Variants in KLHL9 observed in about 807,000 individuals in gnomAD.
KLHL9 encodes kelch like family member 9.
A neutral mutation model predicts 42.3 loss-of-function variants in KLHL9; 27 were observed. The ratio of observed to expected loss-of-function variants is 0.64; its 90% CI spans 0.47 to 0.88. The LOEUF (loss-of-function observed/expected upper bound fraction) is 0.88. Among genes scored for constraint, KLHL9 ranks in the 40% least tolerant of loss-of-function variants. The probability of loss-of-function intolerance (pLI) is 0.00; values close to 1 mark genes in which losing one functional copy is unlikely to be tolerated. For synonymous variants in KLHL9, 274 were observed against 254.4 expected, an observed-to-expected ratio of 1.08 and a Z score of -0.73; for missense variants, 629 against 750.3, an observed-to-expected ratio of 0.84 and a Z score of 1.89.
At position 21,331,510 on chromosome 9, in the gene KLHL9, C is replaced by T. The variant is rs1001226273; in HGVS notation, c.*1496G>A. The T allele has an allele frequency of 3.7e-3, 547 of 146,704 alleles. 2 individuals are homozygous for T. The highest frequency in any genetic ancestry group is 0.013 in the African/African-American group (523 of 39,858). 9.1% of individuals were successfully genotyped at this position (146,704 alleles called of 1,614,324 possible). The stretch of plus-strand genomic sequence containing the variant: ...TATAGGGGGTTGTGTGTGTGTATTA[C>T]ACACACACACAATGTATATATAAAT... On this transcript the variant is annotated 3_prime_UTR_variant, in exon 1 of 1. Coordinates refer to ENST00000359039, the MANE Select transcript of KLHL9 (RefSeq NM_018847.4).
rs1563853341 is a variant in KLHL9, at chr9:21,331,570, G to A, written c.*1436C>T. Reference sequence around the variant, plus strand: ...TCAGGTAGACAATTATTCCAGGAAAGTACCTCTTCAGAATCACTCATTACA... The same window carrying A: ...TCAGGTAGACAATTATTCCAGGAAAATACCTCTTCAGAATCACTCATTACA... On this transcript the variant is annotated 3_prime_UTR_variant, in exon 1 of 1. Coordinates refer to ENST00000359039, the MANE Select transcript of KLHL9 (RefSeq NM_018847.4). 1 of 151,894 alleles carries A rather than the reference G, an allele frequency of 6.6e-6. No homozygotes were observed. The highest frequency in any genetic ancestry group is 1.5e-5 in the Non-Finnish European group (1 of 67,992). The allele number at this position is 151,894 out of a possible 1,614,324, so 9.4% of individuals were successfully genotyped here. A position where few individuals can be genotyped will look rare whatever the true frequency, so the allele number is the denominator to read the frequency against.
At position 21,331,995 on chromosome 9, in the gene KLHL9, AT is replaced by A. The variant is rs1259114193; in HGVS notation, c.*1010del. The A allele has an allele frequency of 1.3e-5, 2 of 152,418 alleles. No homozygotes were observed. Among genetic ancestry groups the A allele is most frequent in the African/African-American group, 4.8e-5 (2 of 41,404 alleles). 9.4% of individuals were successfully genotyped at this position (152,418 alleles called of 1,614,324 possible). A position where few individuals can be genotyped will look rare whatever the true frequency, so the allele number is the denominator to read the frequency against. ...AAAACCCTATAGCTTTGTTCAGAAT[AT>A]TTTTTTCTTTGCTTTTTTCATTAAG... On this transcript the variant is annotated 3_prime_UTR_variant, in exon 1 of 1. Coordinates refer to ENST00000359039, the MANE Select transcript of KLHL9 (RefSeq NM_018847.4).
chr9:21,332,850 T>C lies in KLHL9; in HGVS notation c.*156A>G. On this transcript the variant is annotated 3_prime_UTR_variant, in exon 1 of 1. Coordinates refer to ENST00000359039, the MANE Select transcript of KLHL9 (RefSeq NM_018847.4). ...GTTAAATACATTTTCAGAATGCATT[T>C]GTTAGCCACTTGATAAACATACTAA... 1 of 1,131,180 alleles carries C rather than the reference T, an allele frequency of 8.8e-7. No individual in the cohort carries two copies. Among genetic ancestry groups the C allele is most frequent in the Non-Finnish European group, 1.2e-6 (1 of 826,174 alleles). 70.1% of individuals were successfully genotyped at this position (1,131,180 alleles called of 1,614,324 possible).
Position 21,334,160 on chromosome 9 carries a change from C to G in KLHL9, c.700G>C (p.Ala234Pro). 6.2e-7 allele frequency: 1 copy of G among 1,614,182 alleles called. No individual in the cohort carries two copies. The highest frequency in any genetic ancestry group is 2.2e-5 in the East Asian group (1 of 44,882). ...AATCGAATATTCTTCATTAACTTTG[C>G]AGCATAATCCATCCGAGGGTCTTCC... ...RLEDPRMDYA[A>P]KLMKNIRFPL... The change falls in exon 1 of 1, where the codon GCA (alanine) becomes CCA (proline). Residue 234 changes from alanine (A) to proline (P), a missense_variant. Physicochemically the swap from Ala to Pro is conservative, Grantham distance 27 (BLOSUM62 -1). Around this residue, in one of 4 missense-constraint regions of KLHL9, gnomAD observed 351 missense variants for 363.1 expected, o/e 0.97. Transcript: ENST00000359039. This position sits in a 1 kb window ranked among gnomAD's most constrained non-coding sequence, Gnocchi z 5.1.
Position 21,333,288 on chromosome 9 carries a change from C to T in KLHL9, c.1572G>A (p.Gln524=). 2 of 1,614,212 alleles carry T rather than the reference C, an allele frequency of 1.2e-6. No individual in the cohort carries two copies. Among genetic ancestry groups the T allele is most frequent in the Non-Finnish European group, 1.7e-6 (2 of 1,180,030 alleles). The change falls in exon 1 of 1, where the codon CAG becomes CAA. Residue 524 remains glutamine, a synonymous_variant. Transcript: ENST00000359039. This position sits in a 1 kb window ranked among gnomAD's most constrained non-coding sequence, Gnocchi z 7.5. ...TTAACATGGCGGCAATTGGGGTCCA[C>T]TGGTCAAGGGTTGGTGAATAGTATT... ...SCEYYSPTLD[Q]WTPIAAMLRG...
rs185129874 is a variant in KLHL9 at position 21,334,836 on chromosome 9, G to A, written c.24C>T (p.Gly8=). The change falls in exon 1 of 1, where the codon GGC becomes GGT. Residue 8 remains glycine (G), a synonymous_variant. Coordinates refer to ENST00000359039, the MANE Select transcript of KLHL9 (RefSeq NM_018847.4). This position sits in a 1 kb window ranked among gnomAD's most constrained non-coding sequence, Gnocchi z 5.1. MKVSLGN[G]EMGVSAHLQP... The stretch of plus-strand genomic sequence containing the variant: ...GCAAATGGGCAGAGACGCCCATTTC[G>A]CCGTTACCAAGGGACACTTTCATGT... 3 of 1,614,110 alleles carry A rather than the reference G, an allele frequency of 1.9e-6. No individual in the cohort carries two copies. Among genetic ancestry groups the A allele is most frequent in the Admixed American group, 1.7e-5 (1 of 60,008 alleles).
At position 21,334,982 on chromosome 9, in the gene KLHL9, T is replaced by A; in HGVS notation, c.-123A>T. 1 of 1,429,714 alleles carries A rather than the reference T, an allele frequency of 7.0e-7. No homozygotes were observed. Among genetic ancestry groups the A allele is most frequent in the Non-Finnish European group, 9.4e-7 (1 of 1,062,328 alleles). The allele number at this position is 1,429,714 out of a possible 1,614,324, so 88.6% of individuals were successfully genotyped here. A position where few individuals can be genotyped will look rare whatever the true frequency, so the allele number is the denominator to read the frequency against. On this transcript the variant is annotated 5_prime_UTR_variant, in exon 1 of 1. Coordinates refer to ENST00000359039, the MANE Select transcript of KLHL9 (RefSeq NM_018847.4). The surrounding 1 kb of genome is among the most constrained non-coding windows in gnomAD (Gnocchi z 5.1). Reference sequence around the variant, plus strand: ...TCGTTTCCTTATCAAGGGAAGGCAGTCACTGCGGCACCCCTCGGGCCACGC... The same window carrying A: ...TCGTTTCCTTATCAAGGGAAGGCAGACACTGCGGCACCCCTCGGGCCACGC...
In KLHL9 at chr9:21,333,947, C is replaced by T; in HGVS notation, c.913G>A (p.Gly305Arg). Residue 305 changes from glycine (G) to arginine (R), a missense_variant, in exon 1 of 1, where the codon GGA becomes AGA. By Grantham distance (125) the Gly-to-Arg change is moderately radical. Around this residue, in one of 4 missense-constraint regions of KLHL9, gnomAD observed 214 missense variants for 305.8 expected, o/e 0.70. Coordinates refer to ENST00000359039, the MANE Select transcript of KLHL9 (RefSeq NM_018847.4). The surrounding 1 kb of genome is among the most constrained non-coding windows in gnomAD (Gnocchi z 7.5). ...ACAACCAGCTGCTGCCTCAAAACTC[C>T]TCCTAATGTAACCAAGTGAGTGGAG... ...SDSTHLVTLGGVLRQQLVVSK... is the reference protein window; with the variant it reads ...SDSTHLVTLGRVLRQQLVVSK... 1 of 1,614,184 alleles carries T rather than the reference C, an allele frequency of 6.2e-7. No individual in the cohort carries two copies. The highest frequency in any genetic ancestry group is 8.5e-7 in the Non-Finnish European group (1 of 1,180,040).
At position 21,333,414 on chromosome 9, in the gene KLHL9, G is replaced by C; in HGVS notation, c.1446C>G (p.Val482=). The C allele has an allele frequency of 1.2e-6, 2 of 1,614,198 alleles. No homozygotes were observed. Among genetic ancestry groups the C allele is most frequent in the Non-Finnish European group, 1.7e-6 (2 of 1,180,034 alleles). The change falls in exon 1 of 1, where the codon GTC becomes GTG. Residue 482 remains valine (V), a synonymous_variant. Transcript: ENST00000359039. This position sits in a 1 kb window ranked among gnomAD's most constrained non-coding sequence, Gnocchi z 7.5. ...CTGTACACATGCAATGCAGACCTCT[G>C]ACTGTAGTCATTGGAGCCTTTTGCA... ...KWMQKAPMTT[V]RGLHCMCTVG...
At position 21,335,039 on chromosome 9, in the gene KLHL9, G is replaced by T; in HGVS notation, c.-180C>A. ...GTCATCCACTGAAAATCACCCTGTA[G>T]CAGGACCACAAAGGGCTGTGGACCT... On this transcript the variant is annotated 5_prime_UTR_variant, in exon 1 of 1. Coordinates refer to ENST00000359039, the MANE Select transcript of KLHL9 (RefSeq NM_018847.4). The T allele has an allele frequency of 1.3e-6, 1 of 766,660 alleles. No homozygotes were observed. The highest frequency in any genetic ancestry group is 2.1e-6 in the Non-Finnish European group (1 of 483,774). 47.5% of individuals were successfully genotyped at this position (766,660 alleles called of 1,614,324 possible). A position where few individuals can be genotyped will look rare whatever the true frequency, so the allele number is the denominator to read the frequency against.
chr9:21,333,438 C>T lies in KLHL9; in HGVS notation c.1422G>A (p.Met474Ile). Reference sequence around the variant, plus strand: ...TGACTGTAGTCATTGGAGCCTTTTGCATCCATTTATCTGTATCTGGGTCAA... The same window carrying T: ...TGACTGTAGTCATTGGAGCCTTTTGTATCCATTTATCTGTATCTGGGTCAA... ...MCFDPDTDKW[M>I]QKAPMTTVRG... Residue 474 changes from methionine to isoleucine, a missense_variant, in exon 1 of 1, where the codon ATG becomes ATA. Transcript: ENST00000359039. The surrounding 1 kb of genome is among the most constrained non-coding windows in gnomAD (Gnocchi z 7.5). The T allele has an allele frequency of 6.2e-7, 1 of 1,614,242 alleles. No homozygotes were observed. Among genetic ancestry groups the T allele is most frequent in the Non-Finnish European group, 8.5e-7 (1 of 1,180,034 alleles).
rs1023839473 is a variant in KLHL9 at position 21,335,209 on chromosome 9, C to A, written c.-350G>T. 2 of 498,950 alleles carry A rather than the reference C, an allele frequency of 4.0e-6. No homozygotes were observed. Among genetic ancestry groups the A allele is most frequent in the Non-Finnish European group, 7.2e-6 (2 of 275,946 alleles). The allele number at this position is 498,950 out of a possible 1,614,324, so 30.9% of individuals were successfully genotyped here. On this transcript the variant is annotated 5_prime_UTR_variant, in exon 1 of 1. Transcript: ENST00000359039. ...CGCCACGTACTGTGGCTCCACGGCC[C>A]GCTCGGCGGCGGGTCCGGACACCTC...
At position 21,333,039 on chromosome 9, in the gene KLHL9, T is replaced by C. The variant is rs774938571; in HGVS notation, c.1821A>G (p.Glu607=). The C allele has an allele frequency of 1.1e-5, 18 of 1,614,054 alleles. No homozygotes were observed. The highest frequency in any genetic ancestry group is 1.5e-5 in the Non-Finnish European group (18 of 1,180,030). The change falls in exon 1 of 1, where the codon GAA becomes GAG. Residue 607 remains glutamate (E), a synonymous_variant. Transcript: ENST00000359039. This position sits in a 1 kb window ranked among gnomAD's most constrained non-coding sequence, Gnocchi z 7.5. The part of the protein sequence containing the change: ...PEENPGSPSR[E]SPLSAPSDHS ...GATCTGAAGGTGCTGAAAGAGGTGA[T>C]TCTCTAGAAGGTGACCCAGGGTTTT...
chr9:21,334,203 G>C lies in KLHL9; in HGVS notation c.657C>G (p.Ala219=). The part of the protein sequence containing the change: ...HCTELELFKA[A]CRWLRLEDPR... ...GGTCTTCCAACCTTAGCCAGCGACA[G>C]GCTGCCTTAAAGAGTTCAAGTTCGG... is the stretch of plus-strand genomic sequence containing the variant. Residue 219 remains alanine, a synonymous_variant, in exon 1 of 1, where the codon GCC becomes GCG. Transcript: ENST00000359039. The surrounding 1 kb of genome is among the most constrained non-coding windows in gnomAD (Gnocchi z 5.1). 6.2e-6 allele frequency: 10 copies of C among 1,614,182 alleles called. No individual in the cohort carries two copies. The highest frequency in any genetic ancestry group is 8.5e-6 in the Non-Finnish European group (10 of 1,180,032).
Position 21,335,039 on chromosome 9 carries a change from G to A in KLHL9, c.-180C>T, listed in dbSNP as rs1415242741. ...GTCATCCACTGAAAATCACCCTGTA[G>A]CAGGACCACAAAGGGCTGTGGACCT... On this transcript the variant is annotated 5_prime_UTR_variant, in exon 1 of 1. Coordinates refer to ENST00000359039, the MANE Select transcript of KLHL9 (RefSeq NM_018847.4). 1.3e-6 allele frequency: 1 copy of A among 766,660 alleles called. No individual in the cohort carries two copies. Among genetic ancestry groups the A allele is most frequent in the African/African-American group, 1.8e-5 (1 of 56,992 alleles). The allele number at this position is 766,660 out of a possible 1,614,324, so 47.5% of individuals were successfully genotyped here. A position where few individuals can be genotyped will look rare whatever the true frequency, so the allele number is the denominator to read the frequency against.
At position 21,334,688 on chromosome 9, in the gene KLHL9, C is replaced by T. The variant is rs1382851625; in HGVS notation, c.172G>A (p.Asp58Asn). The stretch of plus-strand genomic sequence containing the variant: ...TGAACAGGGAAGATTTCATCTCCAT[C>T]ACCTGGTACCAGGGTCACATCACAA... ...LLCDVTLVPGDGDEIFPVHRA... is the reference protein window; with the variant it reads ...LLCDVTLVPGNGDEIFPVHRA... Residue 58 changes from aspartate (D) to asparagine (N), a missense_variant, in exon 1 of 1, where the codon GAT (aspartate) becomes AAT (asparagine). Coordinates refer to ENST00000359039, the MANE Select transcript of KLHL9 (RefSeq NM_018847.4). The surrounding 1 kb of genome is among the most constrained non-coding windows in gnomAD (Gnocchi z 5.1). 3 of 1,614,032 alleles carry T rather than the reference C, an allele frequency of 1.9e-6. No individual in the cohort carries two copies. The highest frequency in any genetic ancestry group is 4.5e-5 in the East Asian group (2 of 44,894).
chr9:21,334,625 C>A lies in KLHL9; in HGVS notation c.235G>T (p.Ala79Ser). 1 of 1,614,188 alleles carries A rather than the reference C, an allele frequency of 6.2e-7. No individual in the cohort carries two copies. Among genetic ancestry groups the A allele is most frequent in the Non-Finnish European group, 8.5e-7 (1 of 1,180,036 alleles). Residue 79 changes from alanine (A) to serine (S), a missense_variant, in exon 1 of 1, where the codon GCC becomes TCC. This residue lies in a region of KLHL9 where 351 missense variants were observed against 363.1 expected (regional missense o/e 0.97). Transcript: ENST00000359039. The surrounding 1 kb of genome is among the most constrained non-coding windows in gnomAD (Gnocchi z 5.1). ...MMASASDYFK[A>S]MFTGGMKEQD... ...TCTTTCATTCCACCTGTGAACATGG[C>A]TTTGAAATAATCACTAGCAGACGCC...
In KLHL9 at chr9:21,333,851, G is replaced by A. The variant is rs1820216972; in HGVS notation, c.1009C>T (p.Arg337Cys). The change falls in exon 1 of 1, where the codon CGT (arginine) becomes TGT (cysteine). Residue 337 changes from arginine to cysteine, a missense_variant. Physicochemically the swap from Arg to Cys is radical, Grantham distance 180. Transcript: ENST00000359039. This position sits in a 1 kb window ranked among gnomAD's most constrained non-coding sequence, Gnocchi z 7.5. ...ATGACAGCAATACCATGCTGGTAAC[G>A]GGGAGCATCCATTGGGGCTAAAGAT... The part of the protein sequence containing the change: ...WRSLAPMDAP[R>C]YQHGIAVIGN... 3.7e-6 allele frequency: 6 copies of A among 1,613,754 alleles called. No individual in the cohort carries two copies. Among genetic ancestry groups the A allele is most frequent in the Non-Finnish European group, 4.2e-6 (5 of 1,179,996 alleles).
In KLHL9 at chr9:21,332,170, G is replaced by A. The variant is rs967174850; in HGVS notation, c.*836C>T. The A allele has an allele frequency of 3.3e-5, 5 of 152,452 alleles. No homozygotes were observed. Among genetic ancestry groups the A allele is most frequent in the Admixed American group, 6.6e-5 (1 of 15,256 alleles). The allele number at this position is 152,452 out of a possible 1,614,324, so 9.4% of individuals were successfully genotyped here. A position where few individuals can be genotyped will look rare whatever the true frequency, so the allele number is the denominator to read the frequency against. On this transcript the variant is annotated 3_prime_UTR_variant, in exon 1 of 1. Coordinates refer to ENST00000359039, the MANE Select transcript of KLHL9 (RefSeq NM_018847.4). ...TAATGTAAGCTTCATCTGAAGTAAC[G>A]GTTTAGTCACATGACAAATTTGGTT... is the stretch of plus-strand genomic sequence containing the variant.
Sources: allele counts gnomAD v4.1 joint callset, GRCh38; gene constraint gnomAD v4.1.1; regional missense constraint gnomAD v4.1.1; non-coding constraint Gnocchi (gnomAD v3.1); transcripts MANE v1.5; gene names NCBI Gene and HGNC (gene_info 2026-07-23, HGNC 2026-07-21).